EPCAM: variants seen among roughly 807,000 people sequenced by gnomAD.
The protein encoded by EPCAM is epithelial cell adhesion molecule, also known as adenocarcinoma-associated antigen.
A neutral mutation model predicts 40.0 loss-of-function variants in EPCAM; 39 were observed. That is an observed-to-expected ratio of 0.98 (90% CI 0.76 to 1.27). EPCAM has a LOEUF of 1.27. Among genes scored for constraint, EPCAM ranks in the 50% most tolerant of loss-of-function variants. The pLI, the probability that EPCAM is intolerant of heterozygous loss-of-function variation, is 0.00. For missense variants in EPCAM, 503 were observed against 381.2 expected (o/e 1.32, Z -2.66); for synonymous variants, 168 against 132.3 (o/e 1.27, Z -1.85).
At chr2:47,370,195 A>G (rs1671215844) in intron 1 of EPCAM, among the ~76,000 whole-genome samples, 1 of 152,238 alleles carries the variant, frequency 6.6e-6, no homozygotes, top group Non-Finnish European at 1.5e-5. Context: ...TAATAACCGT[A>G]AAGAGTAAAA....
chr2:47,370,511 G>C (rs1395866390), intron 1 of EPCAM, among the ~76,000 whole-genome samples: 1 of 151,532 alleles, frequency 6.6e-6, no homozygotes, highest in Non-Finnish European at 1.5e-5. Flanking sequence ...TCCTGAGCTC[G>C]TGATCCGCCC....
intron 4 of EPCAM, among the ~76,000 whole-genome samples, chr2:47,376,017 TTA>T (rs1231538518): frequency 6.6e-6 from 1 of 152,062 alleles, no homozygotes; most frequent in Non-Finnish European, 1.5e-5. Flanking sequence ...AAATTTAACG[TTA>T]TATCACGTTG....
intron 4 of EPCAM, among the ~76,000 whole-genome samples, chr2:47,375,925 C>G (rs1014451635): frequency 1.4e-4 from 22 of 152,076 alleles, no homozygotes; most frequent in African/African-American, 5.3e-4. Context: ...AGGCTGGTCT[C>G]GAACTCCTGA....
At chr2:47,382,105 T>G (rs2103763135) in intron 7 of EPCAM, among the ~76,000 whole-genome samples, 1 of 152,230 alleles carries the variant, frequency 6.6e-6, no homozygotes, top group Middle Eastern at 3.4e-3. Flanking sequence ...AAATTAAGCA[T>G]TTTATATGGC....
chr2:47,375,328 T>C, intron 4 of EPCAM, 29 bp downstream of exon 4: 1 of 1,456,942 alleles, frequency 6.9e-7, no homozygotes, highest in South Asian at 1.1e-5. Context: ...ATCATATTCT[T>C]GCACAGTTGG....
intron 8 of EPCAM, among the ~76,000 whole-genome samples, chr2:47,385,807 A>G (rs905506449): frequency 2.0e-5 from 3 of 152,220 alleles, no homozygotes; most frequent in Admixed American, 6.5e-5. Flanking sequence ...ACGTAAAGGA[A>G]TATTGGAAAA....
At chr2:47,382,087 CT>C (rs1313903705) in intron 7 of EPCAM, among the ~76,000 whole-genome samples, 1 of 151,752 alleles carries the variant, frequency 6.6e-6, no homozygotes, top group African/African-American at 2.4e-5. Flanking sequence ...TATATTTTGG[CT>C]TCATTAAAAT....
chr2:47,379,501 G>C (rs1671519842), intron 6 of EPCAM, among the ~76,000 whole-genome samples: 1 of 152,182 alleles, frequency 6.6e-6, no homozygotes. Context: ...AGGAAGAAAA[G>C]ATGAAGTAAG....
Position 47,377,069 on chromosome 2 carries a change from A to T in EPCAM, c.547A>T (p.Ser183Cys), listed in dbSNP as rs1185433353. The T allele has an allele frequency of 1.9e-6, 3 of 1,601,448 alleles. No individual in the cohort carries two copies. The highest frequency in any genetic ancestry group is 2.6e-6 in the Non-Finnish European group (3 of 1,168,642). The change falls in exon 5 of 9, where the codon AGT (serine) becomes TGT (cysteine). Residue 183 changes from serine (S) to cysteine (C), a missense_variant. Physicochemically the swap from Ser to Cys is moderately radical, Grantham distance 112 (BLOSUM62 -1). Transcript: ENST00000263735. Reference sequence around the variant, plus strand: ...TCAACTGGATCCAAAATTTATCACGAGTATTTTGGTATGATTTTTTAATAA... The same window carrying T: ...TCAACTGGATCCAAAATTTATCACGTGTATTTTGGTATGATTTTTTAATAA... The part of the protein sequence containing the change: ...RYQLDPKFIT[S>C]ILYENNVITI...
At chr2:47,380,839 AG>A (rs1267432078) in intron 7 of EPCAM, among the ~76,000 whole-genome samples, 2 of 152,174 alleles carry the variant, frequency 1.3e-5, no homozygotes, top group African/African-American at 4.8e-5. Flanking sequence ...CTGTAATCGC[AG>A]CACTTTGGAA....
chr2:47,372,500 G>A lies in EPCAM; in HGVS notation c.77-963G>A, dbSNP rs530655256. Among the ~76,000 whole-genome samples, 8 of 152,050 alleles carry A rather than the reference G, an allele frequency of 5.3e-5. No homozygotes were observed. In the South Asian group the frequency reaches 1.2e-3, roughly 24 times the overall value. On this transcript the variant is annotated intron_variant, in intron 1 of 8. Transcript: ENST00000263735. ...TAAAAATAGAAAAAAAAAGCCGGGC[G>A]CGGTGGCTGACACCTGTAATCCCAG...
intron 7 of EPCAM, among the ~76,000 whole-genome samples, chr2:47,382,085 G>C (rs1671608462): frequency 2.0e-5 from 3 of 151,764 alleles, no homozygotes; most frequent in African/African-American, 7.3e-5. Context: ...TATATATTTT[G>C]GCTTCATTAA....
chr2:47,379,999 A>T (rs369770948), intron 7 of EPCAM, 30 bp downstream of exon 7: 1 of 1,582,538 alleles, frequency 6.3e-7, no homozygotes, highest in East Asian at 2.3e-5. Flanking sequence ...AATTTCATTT[A>T]AGGGTATATT....
At chr2:47,370,458 G>A (rs1044491731) in intron 1 of EPCAM, among the ~76,000 whole-genome samples, 26 of 152,062 alleles carry the variant, frequency 1.7e-4, no homozygotes, top group African/African-American at 6.3e-4. Flanking sequence ...TGTATTGTTA[G>A]TAGAGACGGG....
intron 1 of EPCAM, among the ~76,000 whole-genome samples, chr2:47,372,522 C>G (rs1221896803): frequency 2.6e-5 from 4 of 152,040 alleles, no homozygotes; most frequent in South Asian, 2.1e-4. Flanking sequence ...ACCTGTAATC[C>G]CAGCACTTTG....
chr2:47,369,362 C>G lies in EPCAM; in HGVS notation c.-144C>G. ...AGCACCTTCGACGCGGTCCGGGGAC[C>G]CCCTCGTCGCTGTCCTCCCGACGCG... On this transcript the variant is annotated 5_prime_UTR_variant, in exon 1 of 9. Coordinates refer to ENST00000263735, the MANE Select transcript of EPCAM (RefSeq NM_002354.3). The G allele has an allele frequency of 8.3e-7, 1 of 1,200,940 alleles. No individual in the cohort carries two copies. The highest frequency in any genetic ancestry group is 2.9e-4 in the Middle Eastern group (1 of 3,464). 74.4% of individuals were successfully genotyped at this position (1,200,940 alleles called of 1,614,324 possible).
intron 4 of EPCAM, 25 bp from the exon 5 acceptor site, chr2:47,376,988 TA>T: frequency 6.5e-7 from 1 of 1,527,650 alleles, no homozygotes; most frequent in Non-Finnish European, 9.1e-7. Context: ...CATTTTTTTT[TA>T]ATACAGATTT....
intron 1 of EPCAM, 196 bp downstream of exon 1, chr2:47,369,777 G>T: frequency 2.8e-6 from 2 of 706,922 alleles, no homozygotes; most frequent in Non-Finnish European, 5.3e-6. Context: ...CCGTCCCGGG[G>T]AGCAGCCTCA....
chr2:47,376,732 T>C (rs1457550149), intron 4 of EPCAM, among the ~76,000 whole-genome samples: 1 of 152,220 alleles, frequency 6.6e-6, no homozygotes, highest in Non-Finnish European at 1.5e-5. Flanking sequence ...TTTTCCACTG[T>C]GAAGTTACCA....
Sources: allele counts gnomAD v4.1 joint callset (sites outside exome capture counted in the v4.1 genomes callset), GRCh38; gene constraint gnomAD v4.1.1; transcripts MANE v1.5; gene names NCBI Gene and HGNC (gene_info 2026-07-23, HGNC 2026-07-21).